Variants in SEPTIN10 observed in about 807,000 individuals in gnomAD.
The protein encoded by SEPTIN10 is septin-10.
In SEPTIN10, 66 loss-of-function variants were observed where a neutral mutation model predicts 54.8. The observed-to-expected ratio is 1.21, with a 90% CI of 0.99 to 1.48. SEPTIN10 has a LOEUF of 1.48. Among genes scored for constraint, SEPTIN10 ranks in the 40% most tolerant of loss-of-function variants. The pLI is 0.00. For synonymous variants in SEPTIN10, 161 were observed against 181.0 expected, an observed-to-expected ratio of 0.89 and a Z score of 0.89; for missense variants, 620 against 545.6, an observed-to-expected ratio of 1.14 and a Z score of -1.36.
chr2:109,613,684 A>T, intron 1 of SEPTIN10, 114 bp downstream of exon 1: 1 of 680,574 alleles, frequency 1.5e-6, no homozygotes, highest in Non-Finnish European at 2.0e-6. Context: ...GCGGGGCCGG[A>T]GGGGGCGCGG....
At chr2:109,555,898 C>T (rs891802351) in intron 8 of SEPTIN10, among the ~76,000 whole-genome samples, 3 of 152,142 alleles carry the variant, frequency 2.0e-5, no homozygotes, top group Non-Finnish European at 2.9e-5. Context: ...CGTTCAGTCC[C>T]GTAGTGACTG....
At position 109,543,950 on chromosome 2, in the gene SEPTIN10, T is replaced by C. The variant is rs920787687; in HGVS notation, c.*359A>G. On this transcript the variant is annotated 3_prime_UTR_variant, in exon 11 of 11. Transcript: ENST00000397712. ...TTATACATATAGCCTGAAAGTAATT[T>C]ATACAAAAATTTTGTGCAAGAAACA... 1 of 566,446 alleles carries C rather than the reference T, an allele frequency of 1.8e-6. No homozygotes were observed. The highest frequency in any genetic ancestry group is 3.4e-5 in the Admixed American group (1 of 29,364). 35.1% of individuals were successfully genotyped at this position (566,446 alleles called of 1,614,324 possible).
chr2:109,554,356 T>G (rs1683846116), intron 8 of SEPTIN10, among the ~76,000 whole-genome samples: 1 of 152,232 alleles, frequency 6.6e-6, no homozygotes, highest in African/African-American at 2.4e-5. Context: ...GTATACACAA[T>G]GTATACAATA....
intron 10 of SEPTIN10, chr2:109,545,383 ACC>A: frequency 6.6e-7 from 1 of 1,522,068 alleles, no homozygotes; most frequent in Non-Finnish European, 8.8e-7. Context: ...TTTAACACAT[ACC>A]CCAAACCTAC....
intron 1 of SEPTIN10, among the ~76,000 whole-genome samples, chr2:109,601,004 C>A (rs2106152033): frequency 6.6e-6 from 1 of 152,342 alleles, no homozygotes; most frequent in South Asian, 2.1e-4. Context: ...GGAGGGTATG[C>A]CACCCTCCCA....
chr2:109,572,858 G>A (rs1224890810), intron 5 of SEPTIN10, among the ~76,000 whole-genome samples: 14 of 151,918 alleles, frequency 9.2e-5, no homozygotes, highest in Admixed American at 6.6e-4. Flanking sequence ...CTTGTGATCC[G>A]CCTGCCTTGG....
intron 5 of SEPTIN10, among the ~76,000 whole-genome samples, chr2:109,569,139 A>T (rs904501168): frequency 6.6e-6 from 1 of 152,146 alleles, no homozygotes; most frequent in Non-Finnish European, 1.5e-5. Context: ...GATTAAAAGT[A>T]AAAAATTGAC....
chr2:109,575,839 C>A (rs534329383), intron 4 of SEPTIN10, among the ~76,000 whole-genome samples: 1 of 152,100 alleles, frequency 6.6e-6, no homozygotes, highest in African/African-American at 2.4e-5. Flanking sequence ...TAAAGTTGCC[C>A]GACCTTTTAG....
intron 4 of SEPTIN10, among the ~76,000 whole-genome samples, chr2:109,580,056 G>T (rs1690725382): frequency 6.6e-6 from 1 of 152,026 alleles, no homozygotes. Flanking sequence ...GAGAGATGGA[G>T]GTTGCAATGA....
At chr2:109,567,278 C>G (rs1687254198) in intron 6 of SEPTIN10, among the ~76,000 whole-genome samples, 1 of 152,116 alleles carries the variant, frequency 6.6e-6, no homozygotes, top group African/African-American at 2.4e-5. Flanking sequence ...AACCCATGAT[C>G]CTACAAAACA....
chr2:109,585,074 G>C, intron 4 of SEPTIN10, 52 bp downstream of exon 4: 3 of 1,148,934 alleles, frequency 2.6e-6, no homozygotes, highest in Non-Finnish European at 3.7e-6. Flanking sequence ...GCTATAAGGC[G>C]AATGTCTTGA....
At chr2:109,613,777 C>T in intron 1 of SEPTIN10, 21 bp downstream of exon 1, 1 of 1,221,920 alleles carries the variant, frequency 8.2e-7, no homozygotes, top group Non-Finnish European at 1.0e-6. Flanking sequence ...GGGCTGGGGC[C>T]CCGGCGTCGG....
intron 8 of SEPTIN10, among the ~76,000 whole-genome samples, chr2:109,563,178 T>A (rs2105121658): frequency 6.6e-6 from 1 of 152,320 alleles, no homozygotes; most frequent in East Asian, 1.9e-4. Flanking sequence ...CCCAAAGTGC[T>A]GGGATTACAG....
At chr2:109,553,990 T>A (rs1450497211) in intron 8 of SEPTIN10, among the ~76,000 whole-genome samples, 1 of 152,222 alleles carries the variant, frequency 6.6e-6, no homozygotes, top group Non-Finnish European at 1.5e-5. Flanking sequence ...GGGTAATTGA[T>A]ATAAACAAGA....
In SEPTIN10 at chr2:109,544,045, G is replaced by A; in HGVS notation, c.*264C>T. ...GGGAATTTTCCACTTGTGGGGTCAAGTCAGTGCTCAAAAAGATTCAGATTT... is the reference window on the plus strand; with the variant it reads ...GGGAATTTTCCACTTGTGGGGTCAAATCAGTGCTCAAAAAGATTCAGATTT... On this transcript the variant is annotated 3_prime_UTR_variant, in exon 11 of 11. Transcript: ENST00000397712. 9.5e-7 allele frequency: 1 copy of A among 1,050,378 alleles called. No homozygotes were observed. Among genetic ancestry groups the A allele is most frequent in the Non-Finnish European group, 1.4e-6 (1 of 723,938 alleles). 65.1% of individuals were successfully genotyped at this position (1,050,378 alleles called of 1,614,324 possible). A position where few individuals can be genotyped will look rare whatever the true frequency, so the allele number is the denominator to read the frequency against.
intron 10 of SEPTIN10, 80 bp downstream of exon 10, chr2:109,545,966 GAAGT>G (rs1313789155): frequency 6.7e-7 from 1 of 1,489,416 alleles, no homozygotes; most frequent in Non-Finnish European, 9.0e-7. Context: ...TAAGGAAGCA[GAAGT>G]AAGAAGCGCT....
At chr2:109,603,362 G>A (rs1036923120) in intron 1 of SEPTIN10, among the ~76,000 whole-genome samples, 12 of 151,942 alleles carry the variant, frequency 7.9e-5, no homozygotes, top group African/African-American at 2.9e-4. Context: ...AGCCTCCCCA[G>A]CAGCTGGGAC....
intron 1 of SEPTIN10, among the ~76,000 whole-genome samples, chr2:109,603,216 GTTA>G (rs1190111336): frequency 6.6e-6 from 1 of 151,924 alleles, no homozygotes; most frequent in Non-Finnish European, 1.5e-5. Flanking sequence ...TGTACATAAT[GTTA>G]TTATTATCAT....
chr2:109,558,107 A>G (rs972077462), intron 8 of SEPTIN10, among the ~76,000 whole-genome samples: 2 of 152,182 alleles, frequency 1.3e-5, no homozygotes, highest in Non-Finnish European at 2.9e-5. Flanking sequence ...TGAATATTTA[A>G]TGCCAACATA....
Sources: allele counts gnomAD v4.1 joint callset (sites outside exome capture counted in the v4.1 genomes callset), GRCh38; gene constraint gnomAD v4.1.1; transcripts MANE v1.5; gene names NCBI Gene and HGNC (gene_info 2026-07-23, HGNC 2026-07-21).